Variants in FRMPD4 observed in about 807,000 individuals in gnomAD.
The protein encoded by FRMPD4 is FERM and PDZ domain containing 4.
A neutral mutation model predicts 94.1 loss-of-function variants in FRMPD4; 22 were observed. The ratio of observed to expected loss-of-function variants is 0.23; its 90% CI spans 0.17 to 0.33. The LOEUF is 0.33. FRMPD4 is among the 10% of genes least tolerant of loss of function. The pLI is 1.00. For missense variants in FRMPD4, 1,111 were observed against 1,339.9 expected, an observed-to-expected ratio of 0.83 and a Z score of 2.67; for synonymous variants, 631 against 548.6, an observed-to-expected ratio of 1.15 and a Z score of -2.10.
intron 1 of FRMPD4, among the ~76,000 whole-genome samples, chrX:11,849,076 AG>A (rs756890023): frequency 8.0e-5 from 9 of 111,979 alleles, no homozygotes; most frequent in Non-Finnish European, 1.7e-4. Flanking sequence ...TCTATGAGAA[AG>A]CTGGTAGAAC....
At position 12,721,167 on chromosome X, in the gene FRMPD4, G is replaced by C; in HGVS notation, c.4598G>C (p.Arg1533Thr). ...ACCGTCCAGGTCTCTTGCCTCTATA[G>C]ACCACAGATGACTCAAGCCATGCCA... ...EATVQVSCLY[R>T]PQMTQAMPEP... Residue 1533 changes from arginine (R) to threonine (T), a missense_variant, in exon 17 of 17, where the codon AGA becomes ACA. Arg to Thr is a moderately conservative substitution (Grantham distance 71). Coordinates refer to ENST00000675598, the MANE Select transcript of FRMPD4 (RefSeq NM_001368397.1). 1.3e-6 allele frequency: 1 copy of C among 754,917 alleles called. No individual in the cohort carries two copies. The highest frequency in any genetic ancestry group is 1.6e-6 in the Non-Finnish European group (1 of 638,612). The allele number at this position is 754,917 out of a possible 1,213,427, so 62.2% of individuals were successfully genotyped here. A position where few individuals can be genotyped will look rare whatever the true frequency, so the allele number is the denominator to read the frequency against.
At chrX:12,088,059 G>A (rs2055125306) in intron 3 of FRMPD4, among the ~76,000 whole-genome samples, 2 of 112,525 alleles carry the variant, frequency 1.8e-5, no homozygotes, top group Non-Finnish European at 3.7e-5. Context: ...GGAGGCAGAA[G>A]TGCAGGTGAG....
In FRMPD4 at chrX:12,116,172, A is replaced by G. The variant is rs182198519; in HGVS notation, c.95+238154A>G. 3.8e-3 allele frequency among the ~76,000 whole-genome samples: 426 copies of G among 111,422 alleles called. 2 individuals carry two copies. Among genetic ancestry groups the G allele is most frequent in the African/African-American group, 0.013 (412 of 30,657 alleles). ...CGCTTCCCAGCCTGTTCCCATTTCC[A>G]ACTTCATCCTCTGCCATCAACCCCC... is the stretch of plus-strand genomic sequence containing the variant. On this transcript the variant is annotated intron_variant, in intron 3 of 18. Transcript: ENST00000640291.
intron 1 of FRMPD4, among the ~76,000 whole-genome samples, chrX:12,260,704 A>G (rs1221474579): frequency 3.6e-5 from 4 of 112,259 alleles, no homozygotes; most frequent in Non-Finnish European, 7.5e-5. Flanking sequence ...ATGTAAGGCC[A>G]TGAATAACCT....
intron 1 of FRMPD4, among the ~76,000 whole-genome samples, chrX:12,190,767 C>G (rs1410938293): frequency 2.8e-5 from 3 of 106,974 alleles, no homozygotes; most frequent in Non-Finnish European, 5.8e-5. Flanking sequence ...GATCACAGAC[C>G]TAGAAGTAAA....
intron 4 of FRMPD4, among the ~76,000 whole-genome samples, chrX:12,674,271 C>G (rs2059872412): frequency 9.0e-6 from 1 of 111,625 alleles, no homozygotes. Flanking sequence ...AGCCCAGGGT[C>G]CTAGCATTGT....
intron 4 of FRMPD4, among the ~76,000 whole-genome samples, chrX:12,674,361 A>C (rs1444610321): frequency 8.9e-6 from 1 of 111,743 alleles, no homozygotes; most frequent in Non-Finnish European, 1.9e-5. Flanking sequence ...AACCTACAAT[A>C]ACATTTTTGT....
chrX:12,417,160 C>G (rs2056813585), intron 1 of FRMPD4, among the ~76,000 whole-genome samples: 1 of 111,555 alleles, frequency 9.0e-6, no homozygotes. Flanking sequence ...AGCCTATAAG[C>G]TACTTTTTGC....
chrX:12,168,738 T>G (rs1040315168), intron 1 of FRMPD4, among the ~76,000 whole-genome samples: 16 of 106,802 alleles, frequency 1.5e-4, no homozygotes, highest in African/African-American at 5.5e-4. Context: ...CCATTCTCCT[T>G]CCTCAGCCTC....
At chrX:12,454,497 G>A (rs899641467) in intron 1 of FRMPD4, among the ~76,000 whole-genome samples, 7 of 110,076 alleles carry the variant, frequency 6.4e-5, no homozygotes, top group Non-Finnish European at 1.3e-4. Flanking sequence ...ATCGTGGACT[G>A]CCGAGAATAT....
intron 3 of FRMPD4, among the ~76,000 whole-genome samples, chrX:12,028,229 C>T (rs975482746): frequency 1.8e-5 from 2 of 112,106 alleles, no homozygotes; most frequent in Admixed American, 1.9e-4. Flanking sequence ...TGGCCAGCTG[C>T]TTCTTCAAAA....
At chrX:12,323,960 T>A (rs1009977885) in intron 1 of FRMPD4, among the ~76,000 whole-genome samples, 1 of 111,602 alleles carries the variant, frequency 9.0e-6, no homozygotes, top group Non-Finnish European at 1.9e-5. Flanking sequence ...CTTGAGAGGA[T>A]GAAATGACTG....
chrX:12,530,267 A>AT (rs1457460909), intron 2 of FRMPD4, among the ~76,000 whole-genome samples: 2 of 112,151 alleles, frequency 1.8e-5, no homozygotes, highest in South Asian at 7.4e-4. Flanking sequence ...GAATGATGGA[A>AT]TTACAATATG....
intron 3 of FRMPD4, among the ~76,000 whole-genome samples, chrX:12,123,096 CAT>C (rs1194016258): frequency 9.6e-6 from 1 of 104,543 alleles, no homozygotes; most frequent in East Asian, 3.0e-4. Context: ...ATAATTGAGT[CAT>C]AGAGTCATAG....
At chrX:12,387,481 GA>G (rs1324456392) in intron 1 of FRMPD4, among the ~76,000 whole-genome samples, 4 of 111,937 alleles carry the variant, frequency 3.6e-5, no homozygotes, top group Non-Finnish European at 7.5e-5. Flanking sequence ...AGAGGCAGAA[GA>G]AAAGTTATGT....
At chrX:12,100,781 A>C (rs1287072991) in intron 3 of FRMPD4, among the ~76,000 whole-genome samples, 1 of 111,707 alleles carries the variant, frequency 9.0e-6, no homozygotes, top group Non-Finnish European at 1.9e-5. Flanking sequence ...GAGGATAACG[A>C]GTATCCTCTG....
intron 1 of FRMPD4, among the ~76,000 whole-genome samples, chrX:12,465,075 G>C (rs1207193988): frequency 1.8e-5 from 2 of 111,561 alleles, no homozygotes; most frequent in African/African-American, 6.5e-5. Context: ...TATATTCCCA[G>C]TAGTTAGAGA....
chrX:12,488,110 C>G (rs1040093581), intron 1 of FRMPD4, among the ~76,000 whole-genome samples: 16 of 111,647 alleles, frequency 1.4e-4, no homozygotes, highest in African/African-American at 4.9e-4. Flanking sequence ...TTAATTATGT[C>G]AGCAGGTTTA....
Position 11,969,284 on chromosome X carries a change from C to T in FRMPD4, c.95+91266C>T, listed in dbSNP as rs149983433. On this transcript the variant is annotated intron_variant, in intron 3 of 18. Coordinates refer to the FRMPD4 transcript ENST00000640291. ...TGCCTTGAAAATCTTCTTGGGTGAT[C>T]TCTAGTATAGCCCCTACCCCGTTTA... Among the ~76,000 whole-genome samples the T allele has an allele frequency of 8.4e-3, 944 of 112,172 alleles. 7 individuals are homozygous for T. Among genetic ancestry groups the T allele is most frequent in the African/African-American group, 0.03 (915 of 30,876 alleles).
Sources: allele counts gnomAD v4.1 joint callset (sites outside exome capture counted in the v4.1 genomes callset), GRCh38; gene constraint gnomAD v4.1.1; transcripts MANE v1.5; gene names NCBI Gene and HGNC (gene_info 2026-07-23, HGNC 2026-07-21).